Variants in SH3RF3 observed in about 807,000 individuals in gnomAD.
The protein encoded by SH3RF3 is SH3 domain containing ring finger 3.
A neutral mutation model predicts 66.3 loss-of-function variants in SH3RF3; 29 were observed. That is an observed-to-expected ratio of 0.44 (90% CI 0.33 to 0.60). The LOEUF is 0.60. Ranked by LOEUF, SH3RF3 falls within the 20% of genes least tolerant of loss-of-function variation. The probability of loss-of-function intolerance (pLI) is 0.04; values close to 1 mark genes in which losing one functional copy is unlikely to be tolerated. For synonymous variants in SH3RF3, 583 were observed against 532.0 expected (o/e 1.10, Z -1.32); for missense variants, 1,194 against 1,190.9 (o/e 1.00, Z -0.04).
At chr2:109,293,005 T>C (rs539018601) in intron 1 of SH3RF3, among the ~76,000 whole-genome samples, 1 of 152,322 alleles carries the variant, frequency 6.6e-6, no homozygotes, top group South Asian at 2.1e-4. Context: ...GTTCTGGGAT[T>C]ACAGGCGTGA....
intron 1 of SH3RF3, among the ~76,000 whole-genome samples, chr2:109,345,678 C>T (rs770168423): frequency 6.6e-6 from 1 of 152,198 alleles, no homozygotes; most frequent in Admixed American, 6.5e-5. Context: ...AGTGAAAATA[C>T]TCCCCTCATG....
chr2:109,432,217 TC>T (rs1288248810), intron 5 of SH3RF3, among the ~76,000 whole-genome samples: 1 of 152,110 alleles, frequency 6.6e-6, no homozygotes, highest in African/African-American at 2.4e-5. Context: ...GGAGCTGCCT[TC>T]CTATCTGTCA....
intron 3 of SH3RF3, among the ~76,000 whole-genome samples, chr2:109,386,523 C>T (rs192119185): frequency 2.0e-4 from 30 of 152,300 alleles, no homozygotes; most frequent in African/African-American, 6.5e-4. Flanking sequence ...CAAAAACCAG[C>T]GTTAGCTGGA....
intron 5 of SH3RF3, among the ~76,000 whole-genome samples, chr2:109,428,188 C>A (rs1160141655): frequency 6.6e-6 from 1 of 152,196 alleles, no homozygotes; most frequent in Non-Finnish European, 1.5e-5. Flanking sequence ...AGTGGGACTT[C>A]TGGTAGGAGA....
rs1199187848 is a variant in SH3RF3, at chr2:109,502,118, G to A, written c.*447G>A. 6.0e-6 allele frequency: 1 copy of A among 166,964 alleles called. No homozygotes were observed. The highest frequency in any genetic ancestry group is 1.3e-5 in the Non-Finnish European group (1 of 75,516). The allele number at this position is 166,964 out of a possible 1,614,324, so 10.3% of individuals were successfully genotyped here. On this transcript the variant is annotated 3_prime_UTR_variant, in exon 10 of 10. Coordinates refer to ENST00000309415, the MANE Select transcript of SH3RF3 (RefSeq NM_001099289.3). Reference sequence around the variant, plus strand: ...TGCCCTGGGCTTCCCGCGGGGCCCAGGTTGCTCTGTCACCATTCTATATAC... The same window carrying A: ...TGCCCTGGGCTTCCCGCGGGGCCCAAGTTGCTCTGTCACCATTCTATATAC...
chr2:109,230,328 C>G (rs1041707363), intron 1 of SH3RF3, among the ~76,000 whole-genome samples: 5 of 152,134 alleles, frequency 3.3e-5, no homozygotes, highest in African/African-American at 7.2e-5. Context: ...GTAAACCCAG[C>G]ACTTCCGAGA....
intron 1 of SH3RF3, among the ~76,000 whole-genome samples, chr2:109,270,133 G>A (rs567935162): frequency 3.3e-5 from 5 of 152,352 alleles, no homozygotes; most frequent in African/African-American, 1.2e-4. Context: ...CCTCCCAGCA[G>A]TCTCAGCCCC....
chr2:109,133,037 T>C (rs1676733132), intron 1 of SH3RF3, among the ~76,000 whole-genome samples: 1 of 152,178 alleles, frequency 6.6e-6, no homozygotes, highest in South Asian at 2.1e-4. Flanking sequence ...GGCTAGGCAC[T>C]ATTATAGGTA....
chr2:109,170,265 T>C (rs1328030296), intron 1 of SH3RF3, among the ~76,000 whole-genome samples: 2 of 59,538 alleles, frequency 3.4e-5, no homozygotes, highest in African/African-American at 9.7e-5. Context: ...TTCTCTTCTC[T>C]TCTCTTCTCT....
At chr2:109,391,801 C>T (rs1043182051) in intron 3 of SH3RF3, among the ~76,000 whole-genome samples, 1 of 152,110 alleles carries the variant, frequency 6.6e-6, no homozygotes, top group Non-Finnish European at 1.5e-5. Flanking sequence ...TTTGCCTGAC[C>T]CACTTTTCAT....
At chr2:109,257,195 C>T (rs1287830260) in intron 1 of SH3RF3, among the ~76,000 whole-genome samples, 1 of 152,160 alleles carries the variant, frequency 6.6e-6, no homozygotes, top group Non-Finnish European at 1.5e-5. Flanking sequence ...TTCTCTTGCT[C>T]ATGTGGACAT....
chr2:109,181,169 T>G (rs1178089368), intron 1 of SH3RF3, among the ~76,000 whole-genome samples: 1 of 152,214 alleles, frequency 6.6e-6, no homozygotes, highest in African/African-American at 2.4e-5. Flanking sequence ...GACTTCTGTG[T>G]CAGAGTTTTT....
In SH3RF3 at chr2:109,159,188, G is replaced by T. The variant is rs1677423809; in HGVS notation, c.573+29075G>T. Among the ~76,000 whole-genome samples, 4 of 152,236 alleles carry T rather than the reference G, an allele frequency of 2.6e-5. No homozygotes were observed. In the South Asian group the frequency reaches 8.3e-4, roughly 31 times the overall value. On this transcript the variant is annotated intron_variant, in intron 1 of 9. Coordinates refer to ENST00000309415, the MANE Select transcript of SH3RF3 (RefSeq NM_001099289.3). ...GAAGGGGACTCAGGTACAGAGCAGGGTCTGAGCCGTGGTGCCAGGCTCTGC... is the reference window on the plus strand; with the variant it reads ...GAAGGGGACTCAGGTACAGAGCAGGTTCTGAGCCGTGGTGCCAGGCTCTGC...
rs1679916833 is a variant in SH3RF3, at chr2:109,246,385, C to G, written c.574-101289C>G. Among the ~76,000 whole-genome samples, 3 of 152,190 alleles carry G rather than the reference C, an allele frequency of 2.0e-5. No homozygotes were observed. In the East Asian group the frequency reaches 5.8e-4, roughly 29 times the overall value. The stretch of plus-strand genomic sequence containing the variant: ...GGGGCAAGGCAACTCTCCGAGGCCT[C>G]TTTAGTAAGACACTAATCCCATTCA... On this transcript the variant is annotated intron_variant, in intron 1 of 9. Coordinates refer to ENST00000309415, the MANE Select transcript of SH3RF3 (RefSeq NM_001099289.3).
intron 1 of SH3RF3, among the ~76,000 whole-genome samples, chr2:109,209,060 A>G (rs12328666): frequency 0.74 from 112,324 of 152,146 alleles, 42,030 homozygotes; most frequent in East Asian, 0.89. Context: ...ACCCACACCA[A>G]CTTTCCGTGG....
chr2:109,162,879 C>CAA (rs11404752), intron 1 of SH3RF3, among the ~76,000 whole-genome samples: 15 of 151,890 alleles, frequency 9.9e-5, no homozygotes, highest in African/African-American at 3.6e-4. Flanking sequence ...AGATGATTAC[C>CAA]AAAAAAACCA....
chr2:109,500,421 C>T (rs1343519043), intron 9 of SH3RF3, among the ~76,000 whole-genome samples: 3 of 152,134 alleles, frequency 2.0e-5, no homozygotes, highest in Non-Finnish European at 2.9e-5. Flanking sequence ...TCCCTGCAGG[C>T]GGAGGCCATG....
chr2:109,160,155 G>A (rs1677454430), intron 1 of SH3RF3, among the ~76,000 whole-genome samples: 1 of 152,116 alleles, frequency 6.6e-6, no homozygotes, highest in South Asian at 2.1e-4. Flanking sequence ...ATCTGCATGG[G>A]CCAGGTGTCA....
chr2:109,496,422 A>G (rs1210033561), intron 9 of SH3RF3, among the ~76,000 whole-genome samples: 1 of 152,194 alleles, frequency 6.6e-6, no homozygotes, highest in East Asian at 1.9e-4. Flanking sequence ...CTCATAAGAA[A>G]GAAAAGTTCT....
Sources: allele counts gnomAD v4.1 joint callset (sites outside exome capture counted in the v4.1 genomes callset), GRCh38; gene constraint gnomAD v4.1.1; transcripts MANE v1.5; gene names NCBI Gene and HGNC (gene_info 2026-07-23, HGNC 2026-07-21).